The following UBAP1 variants were observed in gnomAD, a reference collection of about 807,000 sequenced individuals.
The protein encoded by UBAP1 is ubiquitin associated protein 1.
A neutral mutation model predicts 39.0 loss-of-function variants in UBAP1; 5 were observed. The ratio of observed to expected loss-of-function variants is 0.13; its 90% confidence interval spans 0.07 to 0.27. The LOEUF is 0.27. UBAP1 is among the 10% of genes least tolerant of loss of function. The probability of loss-of-function intolerance (pLI) is 1.00; values close to 1 mark genes in which losing one functional copy is unlikely to be tolerated. For synonymous variants in UBAP1, 211 were observed against 225.1 expected (o/e 0.94, Z 0.56); for missense variants, 490 against 608.1 (o/e 0.81, Z 2.04).
intron 1 of UBAP1, among the ~76,000 whole-genome samples, chr9:34,216,076 T>A (rs1484403635): frequency 1.3e-5 from 2 of 152,170 alleles, no homozygotes; most frequent in Admixed American, 1.3e-4. Context: ...TCTATCTAGT[T>A]GTTCACTGCC....
chr9:34,195,559 T>C (rs969726285), intron 1 of UBAP1, among the ~76,000 whole-genome samples: 1 of 152,144 alleles, frequency 6.6e-6, no homozygotes, highest in Non-Finnish European at 1.5e-5. Context: ...AAAAGAAAGT[T>C]TCCCAAAGTT....
chr9:34,231,561 C>T (rs1833417889), intron 2 of UBAP1, among the ~76,000 whole-genome samples: 1 of 151,888 alleles, frequency 6.6e-6, no homozygotes, highest in Non-Finnish European at 1.5e-5. Flanking sequence ...TTCCATGAGC[C>T]ATACATTATA....
intron 1 of UBAP1, among the ~76,000 whole-genome samples, chr9:34,219,311 A>G (rs2131575334): frequency 6.6e-6 from 1 of 151,812 alleles, no homozygotes; most frequent in African/African-American, 2.4e-5. Flanking sequence ...TGGTCTTCGA[A>G]CTCCTGGGCT....
At chr9:34,196,568 C>T (rs929641794) in intron 1 of UBAP1, among the ~76,000 whole-genome samples, 37 of 152,098 alleles carry the variant, frequency 2.4e-4, no homozygotes, top group African/African-American at 7.7e-4. Context: ...CTGCCCTACT[C>T]GGCCTCCCAA....
chr9:34,235,307 ATG>A (rs10535791), intron 3 of UBAP1, among the ~76,000 whole-genome samples: 51,572 of 140,150 alleles, frequency 0.37, 9,438 homozygotes, highest in East Asian at 0.72. Flanking sequence ...GTATATATAT[ATG>A]TGTGTGTGTG....
intron 1 of UBAP1, among the ~76,000 whole-genome samples, chr9:34,211,133 CTTCATTTA>C (rs1263006839): frequency 3.1e-5 from 4 of 129,438 alleles, no homozygotes; most frequent in Non-Finnish European, 5.0e-5. Flanking sequence ...AATATTTTTC[CTTCATTTA>C]TTCTCTCATT....
intron 1 of UBAP1, chr9:34,212,047 AAAAG>A (rs748550851): frequency 3.8e-5 from 16 of 424,588 alleles, no homozygotes; most frequent in South Asian, 1.4e-4. Flanking sequence ...CTAAAAAAGA[AAAAG>A]AATATGTTTT....
At chr9:34,239,542 C>T (rs1298139912) in intron 3 of UBAP1, among the ~76,000 whole-genome samples, 1 of 152,218 alleles carries the variant, frequency 6.6e-6, no homozygotes, top group African/African-American at 2.4e-5. Context: ...CATACACAGC[C>T]CTTGCTTCTA....
chr9:34,245,818 G>C lies in UBAP1; in HGVS notation c.1083+3710G>C, dbSNP rs574676394. Among the ~76,000 whole-genome samples the C allele has an allele frequency of 2.0e-4, 27 of 132,910 alleles. No homozygotes were observed. In the East Asian group the frequency reaches 6.1e-3, roughly 30 times the overall value. The allele number at this position is 132,910 out of a possible 152,430, so 87.2% of individuals were successfully genotyped here. A position where few individuals can be genotyped will look rare whatever the true frequency, so the allele number is the denominator to read the frequency against. On this transcript the variant is annotated intron_variant, in intron 4 of 6. Transcript: ENST00000297661. Reference sequence around the variant, plus strand: ...CCCCCCTTTCCTACTTACTTACTTAGTTTATAACTTCATTGCTGGCAATTA... The same window carrying C: ...CCCCCCTTTCCTACTTACTTACTTACTTTATAACTTCATTGCTGGCAATTA...
In UBAP1 at chr9:34,241,304, GAGT is replaced by G; in HGVS notation, c.280_282del (p.Ser94del). The G allele has an allele frequency of 6.6e-7, 1 of 1,514,940 alleles. No individual in the cohort carries two copies. The highest frequency in any genetic ancestry group is 8.8e-7 in the Non-Finnish European group (1 of 1,133,434). The allele number at this position is 1,514,940 out of a possible 1,614,324, so 93.8% of individuals were successfully genotyped here. On this transcript the variant is annotated inframe_deletion, in exon 4 of 7. Coordinates refer to ENST00000297661, the MANE Select transcript of UBAP1 (RefSeq NM_016525.5). ...AAGCAGAAGCTAAAGTGAATTCTAA[GAGT>G]GGCCCAGAGGGCGATAGCAAAATGA... is the stretch of plus-strand genomic sequence containing the variant.
intron 1 of UBAP1, among the ~76,000 whole-genome samples, chr9:34,194,733 A>G (rs566784767): frequency 6.6e-6 from 1 of 152,146 alleles, no homozygotes; most frequent in Non-Finnish European, 1.5e-5. Context: ...TGTTCTAAGC[A>G]CTTTGTATGC....
intron 3 of UBAP1, among the ~76,000 whole-genome samples, chr9:34,234,672 G>A (rs75023420): frequency 0.016 from 2,428 of 152,082 alleles, 79 homozygotes; most frequent in African/African-American, 0.055. Flanking sequence ...ACATAGTGAC[G>A]TAGTAGCCAT....
chr9:34,202,624 C>CCTGTGTGTGTGTGTGTGT (rs1491103579), intron 1 of UBAP1, among the ~76,000 whole-genome samples: 2,198 of 107,232 alleles, frequency 0.02, 348 homozygotes, highest in East Asian at 0.045. Flanking sequence ...TAGACAGAAA[C>CCTGTGTGTGTGTGTGTGT]GTGTGTGTGT....
At chr9:34,213,484 A>C (rs1587831186) in intron 1 of UBAP1, among the ~76,000 whole-genome samples, 1 of 152,192 alleles carries the variant, frequency 6.6e-6, no homozygotes. Context: ...GCACTCCAGC[A>C]TGGGCGACAG....
chr9:34,182,668 TTTCTTTC>T (rs1178861139), intron 1 of UBAP1, among the ~76,000 whole-genome samples: 34 of 65,106 alleles, frequency 5.2e-4, no homozygotes, highest in East Asian at 1.7e-3. Flanking sequence ...TCTTTCTTTC[TTTCTTTC>T]TTTCTTTCTC....
At chr9:34,179,328 G>C (rs981367327) in intron 1 of UBAP1, 88 bp downstream of exon 1, 6 of 973,836 alleles carry the variant, frequency 6.2e-6, no homozygotes, top group Non-Finnish European at 7.9e-6. Flanking sequence ...AACGGGATGG[G>C]GGGCCGAGCG....
At position 34,220,997 on chromosome 9, in the gene UBAP1, A is replaced by G. The variant is rs1673911159; in HGVS notation, c.34+49A>G. The G allele has an allele frequency of 1.3e-6, 2 of 1,548,770 alleles. 1 individual carries two copies. Among genetic ancestry groups the G allele is most frequent in the Middle Eastern group, 3.6e-4 (2 of 5,620 alleles). ...GTTTAAGTTATGATTTGATCAGAGGATTTGGAATCACTTAGCATAGTTTTA... is the reference window on the plus strand; with the variant it reads ...GTTTAAGTTATGATTTGATCAGAGGGTTTGGAATCACTTAGCATAGTTTTA... On this transcript the variant is annotated intron_variant, in intron 2 of 6. Transcript: ENST00000297661.
rs1469145796 is a variant in UBAP1, at chr9:34,252,413, A to ACAT, written c.*885_*887dup. The ACAT allele has an allele frequency of 1.3e-5, 2 of 152,678 alleles. No individual in the cohort carries two copies. The highest frequency in any genetic ancestry group is 2.1e-4 in the South Asian group (1 of 4,836). The allele number at this position is 152,678 out of a possible 1,614,324, so 9.5% of individuals were successfully genotyped here. On this transcript the variant is annotated 3_prime_UTR_variant, in exon 7 of 7. Coordinates refer to ENST00000297661, the MANE Select transcript of UBAP1 (RefSeq NM_016525.5). ...TCTGGTTTGTTTTGTATTATGTTGT[A>ACAT]CATCATTAAAGATCTAAATACAAAG...
At chr9:34,189,960 AG>A (rs1304833363) in intron 1 of UBAP1, among the ~76,000 whole-genome samples, 1 of 152,110 alleles carries the variant, frequency 6.6e-6, no homozygotes, top group Admixed American at 6.6e-5. Context: ...CTTTCATCAA[AG>A]GTTTATTATA....
Sources: gnomAD v4.1 joint callset for allele counts (sites outside exome capture counted in the v4.1 genomes callset) on GRCh38, gnomAD v4.1.1 for gene constraint, MANE v1.5 for transcripts, NCBI Gene and HGNC (gene_info 2026-07-23, HGNC 2026-07-21) for gene names.